The following GFM1 variants were observed in gnomAD, a reference collection of about 807,000 sequenced individuals.
The protein encoded by GFM1 is elongation factor G, mitochondrial.
Under a neutral mutation model 96.2 loss-of-function variants are expected in GFM1, and 62 were observed. The observed-to-expected ratio is 0.64, with a 90% CI of 0.53 to 0.80. The LOEUF (loss-of-function observed/expected upper bound fraction) is 0.80, where lower values mean the gene tolerates loss of function less well. GFM1 is among the 30% of genes least tolerant of loss of function. GFM1 has a pLI of 0.00. For synonymous variants in GFM1, 282 were observed against 312.9 expected (o/e 0.90, Z 1.04); for missense variants, 852 against 916.6 (o/e 0.93, Z 0.91).
chr3:158,652,816 G>T (rs538376328), intron 6 of GFM1, among the ~76,000 whole-genome samples: 3 of 152,316 alleles, frequency 2.0e-5, no homozygotes, highest in Non-Finnish European at 4.4e-5. Flanking sequence ...TATTTAAAAG[G>T]TATACAAAGG....
At chr3:158,664,499 C>T (rs1245917080) in intron 11 of GFM1, among the ~76,000 whole-genome samples, 1 of 152,208 alleles carries the variant, frequency 6.6e-6, no homozygotes, top group African/African-American at 2.4e-5. Flanking sequence ...AGGCTACCCA[C>T]CTTCCTTGGC....
At chr3:158,673,335 C>T (rs9832803) in intron 13 of GFM1, among the ~76,000 whole-genome samples, 7 of 151,732 alleles carry the variant, frequency 4.6e-5, no homozygotes, top group Admixed American at 1.3e-4. Context: ...ACAAAGCACT[C>T]TCTCTGGTAT....
chr3:158,654,547 T>C lies in GFM1; in HGVS notation c.999T>C (p.Asp333=). Residue 333 remains aspartate, a splice_region_variant and synonymous_variant, in exon 8 of 18, where the codon GAT becomes GAC. Coordinates refer to ENST00000486715, the MANE Select transcript of GFM1 (RefSeq NM_024996.7). ...AGATTTATATTTCTTTTATTTTAAG[T>C]GACTCAAAAGAGAAAACCAAAATCC... ...VQNYAILNKE[D]DSKEKTKILM... is the part of the protein sequence containing the mutation. The C allele has an allele frequency of 6.5e-7, 1 of 1,542,144 alleles. No homozygotes were observed. The highest frequency in any genetic ancestry group is 9.0e-7 in the Non-Finnish European group (1 of 1,114,682).
chr3:158,671,064 A>G, intron 13 of GFM1: 1 of 1,443,202 alleles, frequency 6.9e-7, no homozygotes, highest in East Asian at 2.6e-5. Context: ...TATTATAACA[A>G]CATTATACTT....
chr3:158,662,675 T>C lies in GFM1; in HGVS notation c.1371T>C (p.Pro457=), dbSNP rs766967154. 29 of 1,590,036 alleles carry C rather than the reference T, an allele frequency of 1.8e-5. No homozygotes were observed. The highest frequency in any genetic ancestry group is 9.9e-5 in the South Asian group (9 of 90,616). ...CTGTCATTTCAATAGCAATGAAGCC[T>C]TCTAACAAGGTAGGAGTTTGATTTA... The part of the protein sequence containing the change: ...PDPVISIAMK[P]SNKNDLEKFS... Residue 457 remains proline (P), a synonymous_variant, in exon 11 of 18, where the codon CCT becomes CCC. Coordinates refer to ENST00000486715, the MANE Select transcript of GFM1 (RefSeq NM_024996.7).
intron 6 of GFM1, 131 bp downstream of exon 6, chr3:158,652,377 G>A (rs931007959): frequency 1.4e-5 from 11 of 785,572 alleles, no homozygotes; most frequent in Non-Finnish European, 2.3e-5. Context: ...TAACATAATT[G>A]GCTTCCTCAA....
intron 13 of GFM1, among the ~76,000 whole-genome samples, chr3:158,681,065 AC>A (rs930409385): frequency 2.6e-5 from 4 of 152,178 alleles, no homozygotes; most frequent in African/African-American, 9.6e-5. Context: ...TCAGCGTTCC[AC>A]AGTTTTGGAA....
intron 5 of GFM1, chr3:158,649,784 G>A: frequency 1.9e-6 from 1 of 519,644 alleles, no homozygotes; most frequent in South Asian, 3.0e-5. Flanking sequence ...ATCCCCTGGA[G>A]ACTTTGTTAA....
In GFM1 at chr3:158,644,714, A is replaced by C. The variant is rs555757931; in HGVS notation, c.80A>C (p.Gln27Pro). 21 of 1,573,868 alleles carry C rather than the reference A, an allele frequency of 1.3e-5. No individual in the cohort carries two copies. Among genetic ancestry groups the C allele is most frequent in the Non-Finnish European group, 1.7e-5 (20 of 1,160,092 alleles). ...GCCTCCCTAGGCTGGCAGAGGAAGC[A>C]GGTACCGGAGCATAGAGAGGCTAAA... ...APASLGWQRK[Q>P]VNWKACRWSS... The change falls in exon 1 of 18, where the codon CAG becomes CCG. Residue 27 changes from glutamine to proline, a missense_variant and splice_region_variant. Coordinates refer to ENST00000486715, the MANE Select transcript of GFM1 (RefSeq NM_024996.7).
At chr3:158,652,707 G>C (rs1254668441) in intron 6 of GFM1, among the ~76,000 whole-genome samples, 3 of 152,212 alleles carry the variant, frequency 2.0e-5, no homozygotes, top group Non-Finnish European at 4.4e-5. Context: ...TAATTTATGA[G>C]AGATTTGTAC....
At chr3:158,662,549 G>A in intron 10 of GFM1, 79 bp from the exon 11 acceptor site, 2 of 810,078 alleles carry the variant, frequency 2.5e-6, no homozygotes, top group South Asian at 2.7e-5. Context: ...TTGTAAAGTG[G>A]CACATTAAAA....
Position 158,644,603 on chromosome 3 carries a change from C to CA in GFM1, c.-31dup. 6.5e-7 allele frequency: 1 copy of CA among 1,549,632 alleles called. No homozygotes were observed. Among genetic ancestry groups the CA allele is most frequent in the South Asian group, 1.2e-5 (1 of 84,216 alleles). ...ACCGGCAGCTGAACCCACCCGGCGCCACGGGACTTTGACGCGTGCTCTGCG... is the reference window on the plus strand; with the variant it reads ...ACCGGCAGCTGAACCCACCCGGCGCCAACGGGACTTTGACGCGTGCTCTGCG... On this transcript the variant is annotated 5_prime_UTR_variant, in exon 1 of 18. Transcript: ENST00000486715.
chr3:158,686,530 G>C (rs1725866600), intron 15 of GFM1, among the ~76,000 whole-genome samples: 1 of 149,678 alleles, frequency 6.7e-6, no homozygotes, highest in South Asian at 2.1e-4. Flanking sequence ...CATGTGTAAT[G>C]GTAAGATTCA....
intron 6 of GFM1, 56 bp downstream of exon 6, chr3:158,652,302 T>G (rs977373803): frequency 5.4e-6 from 8 of 1,476,982 alleles, no homozygotes; most frequent in Admixed American, 1.7e-5. Context: ...CGTTTGTTTT[T>G]TGTAGGGAGG....
intron 11 of GFM1, among the ~76,000 whole-genome samples, chr3:158,663,390 T>C (rs1202616483): frequency 6.6e-6 from 1 of 152,002 alleles, no homozygotes; most frequent in Non-Finnish European, 1.5e-5. Context: ...ATACATTGAG[T>C]GAACTTTTTA....
At chr3:158,645,827 ATTGTT>A (rs755382283) in intron 2 of GFM1, 46 bp downstream of exon 2, 2 of 1,490,446 alleles carry the variant, frequency 1.3e-6, no homozygotes, top group Non-Finnish European at 1.9e-6. Flanking sequence ...CCAGATTTTA[ATTGTT>A]TTGTTGCTAT....
chr3:158,652,344 A>G (rs942520711), intron 6 of GFM1, 98 bp downstream of exon 6: 3 of 1,001,058 alleles, frequency 3.0e-6, no homozygotes, highest in African/African-American at 3.2e-5. Flanking sequence ...GGGCTTTATT[A>G]ATGAAATCTC....
chr3:158,648,364 A>G (rs1314592325), intron 4 of GFM1, among the ~76,000 whole-genome samples: 1 of 152,148 alleles, frequency 6.6e-6, no homozygotes, highest in African/African-American at 2.4e-5. Flanking sequence ...GATTCTTGCC[A>G]GTGAATGCAG....
chr3:158,646,136 A>C (rs749974602), intron 2 of GFM1, 29 bp from the exon 3 acceptor site: 1 of 1,613,842 alleles, frequency 6.2e-7, no homozygotes, highest in East Asian at 2.2e-5. Flanking sequence ...AGGGACAGAG[A>C]AAGTCTGAAT....
Sources: allele counts gnomAD v4.1 joint callset (sites outside exome capture counted in the v4.1 genomes callset), GRCh38; gene constraint gnomAD v4.1.1; transcripts MANE v1.5; gene names NCBI Gene and HGNC (gene_info 2026-07-23, HGNC 2026-07-21).